FOXN3: variants seen among roughly 807,000 people sequenced by gnomAD.
FOXN3 encodes the protein forkhead box protein N3.
A neutral mutation model predicts 38.4 loss-of-function variants in FOXN3; 7 were observed. The ratio of observed to expected loss-of-function variants is 0.18; its 90% CI spans 0.10 to 0.34. The LOEUF (loss-of-function observed/expected upper bound fraction) is 0.34, where lower values mean the gene tolerates loss of function less well. Ranked by LOEUF, FOXN3 falls within the 10% of genes least tolerant of loss-of-function variation. FOXN3 has a pLI of 1.00. For synonymous variants in FOXN3, 230 were observed against 242.2 expected, an observed-to-expected ratio of 0.95 and a Z score of 0.47; for missense variants, 456 against 613.4, an observed-to-expected ratio of 0.74 and a Z score of 2.71.
intron 1 of FOXN3, among the ~76,000 whole-genome samples, chr14:89,580,150 C>G (rs774716720): frequency 1.3e-5 from 2 of 152,144 alleles, no homozygotes; most frequent in Non-Finnish European, 2.9e-5. Flanking sequence ...GGAAATCAGT[C>G]AAGAGCAGTA....
At position 89,350,705 on chromosome 14, in the gene FOXN3, T is replaced by A; in HGVS notation, c.647A>T (p.Asn216Ile). The change falls in exon 3 of 6, where the codon AAT (asparagine) becomes ATT (isoleucine). Residue 216 changes from asparagine (N) to isoleucine (I), a missense_variant. This residue lies in a region of FOXN3 where 386 missense variants were observed against 505.2 expected (regional missense o/e 0.76). Transcript: ENST00000557258. ...TPYHPHPHVF[N>I]TPPTCPQAYQ... ...TGCCTGAGGACAGGTGGGAGGTGTA[T>A]TGAACACGTGTGGGTGTGGGTGATA... 6.3e-7 allele frequency: 1 copy of A among 1,590,162 alleles called. No individual in the cohort carries two copies. Among genetic ancestry groups the A allele is most frequent in the Non-Finnish European group, 8.5e-7 (1 of 1,171,112 alleles).
intron 3 of FOXN3, among the ~76,000 whole-genome samples, chr14:89,299,316 C>G (rs1015226183): frequency 2.0e-5 from 3 of 152,208 alleles, no homozygotes; most frequent in Non-Finnish European, 4.4e-5. Flanking sequence ...TGGGAGTTCC[C>G]CTGCTCAAGC....
intron 1 of FOXN3, among the ~76,000 whole-genome samples, chr14:89,611,419 T>A (rs1437602807): frequency 6.6e-6 from 1 of 152,212 alleles, no homozygotes; most frequent in African/African-American, 2.4e-5. Flanking sequence ...GTATAATCTT[T>A]GGGTAATTCT....
At chr14:89,495,937 C>G (rs528854363) in intron 1 of FOXN3, among the ~76,000 whole-genome samples, 5 of 152,216 alleles carry the variant, frequency 3.3e-5, no homozygotes, top group Non-Finnish European at 5.9e-5. Flanking sequence ...TAAGCATGCT[C>G]ACAATGCAGT....
intron 1 of FOXN3, among the ~76,000 whole-genome samples, chr14:89,547,887 CA>C (rs554795557): frequency 9.6e-4 from 146 of 152,290 alleles, no homozygotes; most frequent in African/African-American, 3.2e-3. Flanking sequence ...GGTGATTTAG[CA>C]ATTTGCCAGG....
At chr14:89,451,984 T>A (rs1435254421) in intron 1 of FOXN3, among the ~76,000 whole-genome samples, 1 of 152,080 alleles carries the variant, frequency 6.6e-6, no homozygotes, top group Non-Finnish European at 1.5e-5. Context: ...CCACATCCCT[T>A]GAGTGAGTTC....
chr14:89,606,293 CAG>C (rs1387313524), intron 1 of FOXN3, among the ~76,000 whole-genome samples: 1 of 152,066 alleles, frequency 6.6e-6, no homozygotes, highest in Non-Finnish European at 1.5e-5. Context: ...TCCAGATAAA[CAG>C]ATGACTACTA....
chr14:89,550,929 G>C (rs1202406352), intron 1 of FOXN3, among the ~76,000 whole-genome samples: 2 of 152,194 alleles, frequency 1.3e-5, no homozygotes, highest in Non-Finnish European at 2.9e-5. Context: ...TAGAGCCTCT[G>C]CAGACACGCA....
At chr14:89,463,951 A>T (rs139391410) in intron 1 of FOXN3, among the ~76,000 whole-genome samples, 1 of 152,026 alleles carries the variant, frequency 6.6e-6, no homozygotes, top group Admixed American at 6.5e-5. Context: ...CACCCAGTGA[A>T]TTTTGAATTT....
intron 1 of FOXN3, among the ~76,000 whole-genome samples, chr14:89,500,287 G>A (rs538348018): frequency 2.6e-5 from 4 of 152,256 alleles, no homozygotes; most frequent in South Asian, 2.1e-4. Context: ...GGAAGCCATC[G>A]GCACGGATGG....
chr14:89,326,826 T>G (rs2139980923), intron 3 of FOXN3, among the ~76,000 whole-genome samples: 1 of 152,324 alleles, frequency 6.6e-6, no homozygotes, highest in Non-Finnish European at 1.5e-5. Flanking sequence ...CCATGGTAAG[T>G]GGCATAAAGT....
chr14:89,417,871 G>A (rs1891796835), upstream of FOXN3: 1 of 413,976 alleles, frequency 2.4e-6, no homozygotes, highest in Non-Finnish European at 5.0e-6. Flanking sequence ...CAAGACAAGA[G>A]GCACCGTCCT....
intron 2 of FOXN3, among the ~76,000 whole-genome samples, chr14:89,411,128 T>C (rs569995686): frequency 6.6e-6 from 1 of 152,278 alleles, no homozygotes; most frequent in South Asian, 2.1e-4. Flanking sequence ...CAAACCCTAC[T>C]GTGAACTGTG....
At chr14:89,472,720 C>CA (rs1157948946) in intron 1 of FOXN3, among the ~76,000 whole-genome samples, 6,266 of 46,042 alleles carry the variant, frequency 0.14, 313 homozygotes, top group Middle Eastern at 0.23. Context: ...GACCCCATCT[C>CA]AAAAAAAAAA....
At chr14:89,280,918 A>G in intron 4 of FOXN3, 32 bp downstream of exon 4, 2 of 1,548,058 alleles carry the variant, frequency 1.3e-6, no homozygotes, top group Non-Finnish European at 1.8e-6. Context: ...GGTGAGGGGG[A>G]GGGAGAGGAA....
At chr14:89,569,956 T>C (rs1243079304) in intron 1 of FOXN3, among the ~76,000 whole-genome samples, 2 of 151,518 alleles carry the variant, frequency 1.3e-5, no homozygotes, top group Non-Finnish European at 2.9e-5. Flanking sequence ...GCTTACTTAC[T>C]CACCTGGCCA....
chr14:89,595,931 CAT>C (rs1459392103), intron 1 of FOXN3, among the ~76,000 whole-genome samples: 2 of 152,142 alleles, frequency 1.3e-5, no homozygotes, highest in African/African-American at 4.8e-5. Flanking sequence ...AATTACATCA[CAT>C]ATATTTTCTA....
chr14:89,190,399 CAG>C, intron 4 of FOXN3: 1 of 1,613,814 alleles, frequency 6.2e-7, no homozygotes, highest in Non-Finnish European at 8.5e-7. Flanking sequence ...GCTTGTATCT[CAG>C]GGGGAGTATT....
intron 1 of FOXN3, among the ~76,000 whole-genome samples, chr14:89,415,912 T>C (rs1891699591): frequency 6.6e-6 from 1 of 150,660 alleles, no homozygotes; most frequent in African/African-American, 2.5e-5. Flanking sequence ...TGACTTGCTG[T>C]GTTTTGTTAC....
Sources: allele counts gnomAD v4.1 joint callset (sites outside exome capture counted in the v4.1 genomes callset), GRCh38; gene constraint gnomAD v4.1.1; regional missense constraint gnomAD v4.1.1; transcripts MANE v1.5; gene names NCBI Gene and HGNC (gene_info 2026-07-23, HGNC 2026-07-21).